The following FIG4 variants were observed in gnomAD, a reference collection of about 807,000 sequenced individuals.
The protein encoded by FIG4 is polyphosphoinositide phosphatase.
FIG4 carries 112 observed loss-of-function variants against 118.6 expected under a neutral mutation model. The observed-to-expected ratio is 0.94, with a 90% confidence interval of 0.81 to 1.11. The LOEUF (loss-of-function observed/expected upper bound fraction) is 1.11. Ranked by LOEUF, FIG4 falls within the 50% of genes least tolerant of loss-of-function variation. FIG4 has a pLI of 0.00. For synonymous variants in FIG4, 369 were observed against 381.2 expected (o/e 0.97, Z 0.37); for missense variants, 969 against 1,111.7 (o/e 0.87, Z 1.83).
At chr6:109,730,216 T>C (rs995837467) in intron 4 of FIG4, among the ~76,000 whole-genome samples, 23 of 151,888 alleles carry the variant, frequency 1.5e-4, no homozygotes, top group Non-Finnish European at 1.5e-5. Flanking sequence ...GCCTGACTAA[T>C]TTTTGTATTT....
intron 15 of FIG4, among the ~76,000 whole-genome samples, chr6:109,771,909 A>G (rs930299525): frequency 6.6e-6 from 1 of 152,086 alleles, no homozygotes; most frequent in African/African-American, 2.4e-5. Flanking sequence ...ATAAAAGCAT[A>G]CCTTAGCATT....
Position 109,736,435 on chromosome 6 carries a change from A to G in FIG4, c.646+1137A>G, listed in dbSNP as rs374008122. Among the ~76,000 whole-genome samples the G allele has an allele frequency of 3.3e-5, 5 of 152,136 alleles. No individual in the cohort carries two copies. In the East Asian group the frequency reaches 7.7e-4, roughly 23 times the overall value. ...AGGGCACCCTCCCTACTCCCAGATC[A>G]TTAGATCACATACATTTGCCCTGGT... On this transcript the variant is annotated intron_variant, in intron 6 of 22. Coordinates refer to ENST00000230124, the MANE Select transcript of FIG4 (RefSeq NM_014845.6).
At chr6:109,699,262 C>T (rs1049769223) in intron 1 of FIG4, among the ~76,000 whole-genome samples, 1 of 152,090 alleles carries the variant, frequency 6.6e-6, no homozygotes, top group African/African-American at 2.4e-5. Flanking sequence ...CATTAAGTTG[C>T]CCATAATATT....
chr6:109,721,457 C>T (rs1448240874), intron 3 of FIG4, among the ~76,000 whole-genome samples: 1 of 152,134 alleles, frequency 6.6e-6, no homozygotes, highest in African/African-American at 2.4e-5. Flanking sequence ...CCTCTCCAGC[C>T]ACCAGAATTG....
In FIG4 at chr6:109,765,135, T is replaced by G. The variant is rs141052758; in HGVS notation, c.1557T>G (p.Asn519Lys). ...LYSLGLIDKP[N>K]LQFDTDAVRL... ...CACTGGGACTGATTGACAAACCTAA[T>G]CTACAGTTTGATACAGATGCAGTTA... is the stretch of plus-strand genomic sequence containing the variant. Residue 519 changes from asparagine (N) to lysine (K), a missense_variant, in exon 14 of 23, where the codon AAT becomes AAG. This residue lies in a region of FIG4 where 246 missense variants were observed against 354.3 expected (regional missense o/e 0.69). Transcript: ENST00000230124. 3.1e-6 allele frequency: 5 copies of G among 1,614,136 alleles called. No individual in the cohort carries two copies. The Admixed American group carries it at 8.3e-5, about 27-fold the overall frequency.
chr6:109,691,311 T>C lies in FIG4; in HGVS notation c.-125T>C. 1 of 778,378 alleles carries C rather than the reference T, an allele frequency of 1.3e-6. No homozygotes were observed. The highest frequency in any genetic ancestry group is 2.2e-6 in the Non-Finnish European group (1 of 446,248). The allele number at this position is 778,378 out of a possible 1,614,324, so 48.2% of individuals were successfully genotyped here. A position where few individuals can be genotyped will look rare whatever the true frequency, so the allele number is the denominator to read the frequency against. ...GGAAACACCTGATCATCTATAGGTT[T>C]AGTGCCTAATGGGTGTTGTTCCTGG... is the stretch of plus-strand genomic sequence containing the variant. On this transcript the variant is annotated 5_prime_UTR_variant, in exon 1 of 23. Coordinates refer to ENST00000230124, the MANE Select transcript of FIG4 (RefSeq NM_014845.6).
In FIG4 at chr6:109,691,412, G is replaced by A; in HGVS notation, c.-24G>A. On this transcript the variant is annotated 5_prime_UTR_variant, in exon 1 of 23. In the 5' UTR this introduces an upstream ATG that the reference lacks. Transcript: ENST00000230124. ...GCGGTCCGGAGGCTCGTGCCCTGTT[G>A]TGGGGCCCCCATTTGCCGCCGCCAT... 1 of 1,564,172 alleles carries A rather than the reference G, an allele frequency of 6.4e-7. No individual in the cohort carries two copies. Among genetic ancestry groups the A allele is most frequent in the Non-Finnish European group, 8.7e-7 (1 of 1,153,608 alleles).
chr6:109,807,377 T>A (rs544646390), intron 22 of FIG4, among the ~76,000 whole-genome samples: 8 of 152,366 alleles, frequency 5.3e-5, no homozygotes, highest in Non-Finnish European at 8.8e-5. Flanking sequence ...TGAGCTTTTT[T>A]AATATATATT....
At chr6:109,820,768 C>T (rs1021620154) in intron 22 of FIG4, among the ~76,000 whole-genome samples, 3 of 152,148 alleles carry the variant, frequency 2.0e-5, no homozygotes, top group Non-Finnish European at 2.9e-5. Context: ...AACTGGTTAG[C>T]AAAACCAGGC....
intron 1 of FIG4, among the ~76,000 whole-genome samples, chr6:109,705,385 G>A (rs1278895637): frequency 6.6e-6 from 1 of 152,198 alleles, no homozygotes; most frequent in African/African-American, 2.4e-5. Flanking sequence ...TAGGCCAGCT[G>A]AAAAGCAGGG....
intron 10 of FIG4, among the ~76,000 whole-genome samples, chr6:109,752,889 G>C (rs1296988316): frequency 6.6e-6 from 1 of 152,100 alleles, no homozygotes; most frequent in Non-Finnish European, 1.5e-5. Context: ...ATTGCTTTTG[G>C]TGTTCTAGAC....
chr6:109,697,154 C>T (rs563424799), intron 1 of FIG4, among the ~76,000 whole-genome samples: 79 of 150,352 alleles, frequency 5.3e-4, no homozygotes, highest in Admixed American at 2.3e-3. Flanking sequence ...CCTAGCTACT[C>T]GGGAGGCTGA....
At chr6:109,763,747 G>A (rs543695379) in intron 12 of FIG4, among the ~76,000 whole-genome samples, 190 bp from the exon 13 acceptor site, 2 of 152,280 alleles carry the variant, frequency 1.3e-5, no homozygotes, top group Non-Finnish European at 2.9e-5. Flanking sequence ...GGAGAGTGTG[G>A]TAAGCAGTCT....
Position 109,825,128 on chromosome 6 carries a change from G to A in FIG4, c.2587G>A (p.Val863Ile), listed in dbSNP as rs1169633286. 1.2e-6 allele frequency: 2 copies of A among 1,613,836 alleles called. No homozygotes were observed. Among genetic ancestry groups the A allele is most frequent in the Non-Finnish European group, 1.7e-6 (2 of 1,179,938 alleles). ...SAFSQDNIYE[V>I]QPPRVDRKST... Reference sequence around the variant, plus strand: ...TTTCTCGCAAGATAACATCTATGAAGTTCAGCCCCCAAGAGTAGACAGAAA... The same window carrying A: ...TTTCTCGCAAGATAACATCTATGAAATTCAGCCCCCAAGAGTAGACAGAAA... Residue 863 changes from valine (V) to isoleucine (I), a missense_variant, in exon 23 of 23, where the codon GTT (valine) becomes ATT (isoleucine). Physicochemically the swap from Val to Ile is conservative, Grantham distance 29. This residue lies in a region of FIG4 where 330 missense variants were observed against 348.1 expected (regional missense o/e 0.95). Coordinates refer to ENST00000230124, the MANE Select transcript of FIG4 (RefSeq NM_014845.6).
At chr6:109,726,593 T>C (rs1035945020) in intron 3 of FIG4, among the ~76,000 whole-genome samples, 1 of 152,214 alleles carries the variant, frequency 6.6e-6, no homozygotes, top group Non-Finnish European at 1.5e-5. Context: ...CTATGAGGGC[T>C]CTTTTTTGGT....
chr6:109,811,600 C>G (rs1174093063), intron 22 of FIG4, among the ~76,000 whole-genome samples: 1 of 152,140 alleles, frequency 6.6e-6, no homozygotes, highest in Admixed American at 6.5e-5. Context: ...TAGTAGAAAA[C>G]AAGACTGACA....
chr6:109,741,418 T>C (rs747738712), intron 7 of FIG4, 26 bp from the exon 8 acceptor site: 4 of 1,448,934 alleles, frequency 2.8e-6, no homozygotes, highest in Non-Finnish European at 3.9e-6. Flanking sequence ...TCATGAATGC[T>C]AAACAACCTT....
intron 22 of FIG4, among the ~76,000 whole-genome samples, chr6:109,809,434 T>C (rs1425179774): frequency 6.6e-6 from 1 of 152,242 alleles, no homozygotes; most frequent in Non-Finnish European, 1.5e-5. Flanking sequence ...AACTTCTGTC[T>C]TAATGTCTTA....
chr6:109,789,584 C>T lies in FIG4; in HGVS notation c.2097-10C>T, dbSNP rs142482745. On this transcript the variant is annotated splice_polypyrimidine_tract_variant and intron_variant, in intron 18 of 22. Transcript: ENST00000230124. ...AATTCATATGTAATTGTGTTTTCAC[C>T]TTTCTTTAGTGACTTTATGCCTAAG... 79 of 1,606,554 alleles carry T rather than the reference C, an allele frequency of 4.9e-5. 1 individual carries two copies. The highest frequency in any genetic ancestry group is 6.3e-5 in the Non-Finnish European group (74 of 1,173,522).
Sources: gnomAD v4.1 joint callset for allele counts (sites outside exome capture counted in the v4.1 genomes callset) on GRCh38, gnomAD v4.1.1 for gene constraint, gnomAD v4.1.1 regional missense constraint, MANE v1.5 for transcripts, NCBI Gene and HGNC (gene_info 2026-07-23, HGNC 2026-07-21) for gene names.